The following CDH4 variants were observed in gnomAD, a reference collection of about 807,000 sequenced individuals.
CDH4 encodes the protein cadherin-4.
CDH4 carries 33 observed loss-of-function variants against 86.0 expected under a neutral mutation model. The observed-to-expected ratio is 0.38, with a 90% CI of 0.29 to 0.51. The LOEUF (loss-of-function observed/expected upper bound fraction) is 0.51, where lower values mean the gene tolerates loss of function less well. Ranked by LOEUF, CDH4 falls within the 20% of genes least tolerant of loss-of-function variation. The pLI is 0.86. For missense variants in CDH4, 1,114 were observed against 1,307.4 expected (o/e 0.85, Z 2.28); for synonymous variants, 555 against 549.4 (o/e 1.01, Z -0.14).
At chr20:61,440,029 T>C (rs1254293740) in intron 2 of CDH4, among the ~76,000 whole-genome samples, 1 of 152,242 alleles carries the variant, frequency 6.6e-6, no homozygotes, top group Non-Finnish European at 1.5e-5. Context: ...ATATTGCAAC[T>C]GTCCTATCCA....
At chr20:61,499,132 G>A (rs943243683) in intron 2 of CDH4, among the ~76,000 whole-genome samples, 1 of 152,216 alleles carries the variant, frequency 6.6e-6, no homozygotes, top group African/African-American at 2.4e-5. Flanking sequence ...GGTCCCTCCT[G>A]AGCCTCCCTG....
chr20:61,525,097 C>G (rs887620591), intron 2 of CDH4, among the ~76,000 whole-genome samples: 1 of 152,180 alleles, frequency 6.6e-6, no homozygotes, highest in Non-Finnish European at 1.5e-5. Context: ...TCATTAAGCT[C>G]AAATGGTGCC....
At chr20:61,639,324 C>CG (rs1009735195) in intron 2 of CDH4, among the ~76,000 whole-genome samples, 26 of 152,088 alleles carry the variant, frequency 1.7e-4, no homozygotes, top group African/African-American at 5.8e-4. Context: ...CCTTTGGAGG[C>CG]GGGGGGCAAG....
chr20:61,327,766 G>T (rs1217287539), intron 2 of CDH4, among the ~76,000 whole-genome samples: 1 of 152,152 alleles, frequency 6.6e-6, no homozygotes, highest in East Asian at 1.9e-4. Context: ...CCACAGGTGT[G>T]CAGGGGTCTT....
intron 2 of CDH4, among the ~76,000 whole-genome samples, chr20:61,640,279 C>T (rs1375845205): frequency 1.3e-5 from 2 of 152,252 alleles, no homozygotes; most frequent in African/African-American, 4.8e-5. Flanking sequence ...CGCACAGCAG[C>T]AACGTCACGT....
At chr20:61,673,691 A>G (rs1332330830) in intron 2 of CDH4, among the ~76,000 whole-genome samples, 1 of 152,218 alleles carries the variant, frequency 6.6e-6, no homozygotes, top group Non-Finnish European at 1.5e-5. Flanking sequence ...TGCAGAGTTC[A>G]TTAGTCTGAT....
At chr20:61,554,192 T>C (rs1234309980) in intron 2 of CDH4, among the ~76,000 whole-genome samples, 1 of 152,208 alleles carries the variant, frequency 6.6e-6, no homozygotes, top group East Asian at 1.9e-4. Context: ...TTCTTTCTGT[T>C]GTTCTTAGGT....
In CDH4 at chr20:61,377,974, C is replaced by G. The variant is rs2084881381; in HGVS notation, c.169+123037C>G. ...TGGTTCTAAAGATTTCACTGGGAGG[C>G]TGGGTGTGGTGGCTCACACCTGTAA... is the stretch of plus-strand genomic sequence containing the variant. On this transcript the variant is annotated intron_variant, in intron 2 of 15. Coordinates refer to ENST00000614565, the MANE Select transcript of CDH4 (RefSeq NM_001794.5). This position sits in a 1 kb window ranked among gnomAD's most constrained non-coding sequence, Gnocchi z 4.0. Among the ~76,000 whole-genome samples, 1 of 152,222 alleles carries G rather than the reference C, an allele frequency of 6.6e-6. No individual in the cohort carries two copies. Among genetic ancestry groups the G allele is most frequent in the South Asian group, 2.1e-4 (1 of 4,828 alleles).
chr20:61,844,534 T>A, intron 4 of CDH4, 134 bp from the exon 5 acceptor site: 1 of 783,856 alleles, frequency 1.3e-6, no homozygotes, highest in East Asian at 2.8e-5. Flanking sequence ...GGATGAAAGA[T>A]CAGCTGTGGT....
rs565689295 is a variant in CDH4, at chr20:61,772,268, GTCAGCCTCCGCCCACTGACTCCCA to G, written c.397-725_397-702del. On this transcript the variant is annotated intron_variant, in intron 3 of 15. Transcript: ENST00000614565. ...AAGGCCAAATCCCACACCCTCAGCC[GTCAGCCTCCGCCCACTGACTCCCA>G]TCAGCCTCCACCCACTGACTCACTG... Among the ~76,000 whole-genome samples, 174 of 152,282 alleles carry G rather than the reference GTCAGCCTCCGCCCACTGACTCCCA, an allele frequency of 1.1e-3. 1 individual carries two copies. Among genetic ancestry groups the G allele is most frequent in the Non-Finnish European group, 1.6e-3 (110 of 68,028 alleles).
chr20:61,802,466 G>A (rs968213017), intron 4 of CDH4, among the ~76,000 whole-genome samples: 7 of 152,164 alleles, frequency 4.6e-5, no homozygotes, highest in Admixed American at 2.0e-4. Context: ...TGGCCCCATC[G>A]TCCCTGTTTT....
At chr20:61,712,384 G>A (rs1382208023) in intron 2 of CDH4, among the ~76,000 whole-genome samples, 1 of 152,190 alleles carries the variant, frequency 6.6e-6, no homozygotes, top group Non-Finnish European at 1.5e-5. Context: ...AGGGTGTTTG[G>A]AAGGTCACAC....
At chr20:61,511,679 G>C (rs1458379986) in intron 2 of CDH4, among the ~76,000 whole-genome samples, 1 of 152,210 alleles carries the variant, frequency 6.6e-6, no homozygotes, top group East Asian at 1.9e-4. Context: ...AAAGAAAGAC[G>C]AGAGAGAAGA....
intron 2 of CDH4, among the ~76,000 whole-genome samples, chr20:61,505,014 A>G (rs1348602441): frequency 6.6e-6 from 1 of 152,220 alleles, no homozygotes; most frequent in Non-Finnish European, 1.5e-5. Context: ...TACACAGCTC[A>G]GTGTTCATTG....
intron 4 of CDH4, among the ~76,000 whole-genome samples, chr20:61,822,806 A>G (rs1031206659): frequency 2.0e-5 from 3 of 152,188 alleles, no homozygotes; most frequent in Non-Finnish European, 4.4e-5. Flanking sequence ...CTAATGGACG[A>G]GGGCTGCCTA....
chr20:61,860,711 C>T (rs573234887), intron 6 of CDH4, among the ~76,000 whole-genome samples: 14 of 152,312 alleles, frequency 9.2e-5, no homozygotes, highest in East Asian at 5.8e-4. Context: ...CCACTGAAGG[C>T]GTCTGTCCAG....
At chr20:61,782,436 G>T (rs146834568) in intron 4 of CDH4, among the ~76,000 whole-genome samples, 1 of 152,302 alleles carries the variant, frequency 6.6e-6, no homozygotes, top group Non-Finnish European at 1.5e-5. Flanking sequence ...AATGACACCA[G>T]TTGGAAATCC....
chr20:61,444,741 CTG>C lies in CDH4; in HGVS notation c.169+189812_169+189813del, dbSNP rs1201076850. ...TGTGTGTATATGTATGTGTGTTTCT[CTG>C]TGTGTGTCTGTGTATATTTGTGTGT... On this transcript the variant is annotated intron_variant, in intron 2 of 15. Coordinates refer to ENST00000614565, the MANE Select transcript of CDH4 (RefSeq NM_001794.5). Among the ~76,000 whole-genome samples the C allele has an allele frequency of 2.1e-4, 24 of 115,538 alleles. No individual in the cohort carries two copies. The East Asian group carries it at 3.4e-3, about 16-fold the overall frequency. The allele number at this position is 115,538 out of a possible 152,430, so 75.8% of individuals were successfully genotyped here.
intron 4 of CDH4, among the ~76,000 whole-genome samples, chr20:61,840,616 A>C (rs1982118263): frequency 6.6e-6 from 1 of 152,050 alleles, no homozygotes; most frequent in East Asian, 1.9e-4. Context: ...GTGGGTCTCC[A>C]CGGCATCCTA....
Sources: allele counts gnomAD v4.1 joint callset (sites outside exome capture counted in the v4.1 genomes callset), GRCh38; gene constraint gnomAD v4.1.1; non-coding constraint Gnocchi (gnomAD v3.1); transcripts MANE v1.5; gene names NCBI Gene and HGNC (gene_info 2026-07-23, HGNC 2026-07-21).